PHF14: variants seen among roughly 807,000 people sequenced by gnomAD.
PHF14 encodes PHD finger protein 14.
A neutral mutation model predicts 117.9 loss-of-function variants in PHF14; 55 were observed. The observed-to-expected ratio is 0.47, with a 90% CI of 0.38 to 0.58. The LOEUF (loss-of-function observed/expected upper bound fraction) is 0.58, where lower values mean the gene tolerates loss of function less well. Among genes scored for constraint, PHF14 ranks in the 20% least tolerant of loss-of-function variants. The pLI is 0.00. For missense variants in PHF14, 978 were observed against 1,122.2 expected, an observed-to-expected ratio of 0.87 and a Z score of 1.84; for synonymous variants, 409 against 368.6, an observed-to-expected ratio of 1.11 and a Z score of -1.26.
At chr7:11,037,144 T>C in intron 10 of PHF14, 53 bp downstream of exon 10, 1 of 1,407,294 alleles carries the variant, frequency 7.1e-7, no homozygotes, top group Non-Finnish European at 9.5e-7. Flanking sequence ...ACTGATGATT[T>C]CTTTTGTGAA....
chr7:11,162,072 CTTTTTTTTTTTTTTTTTTTTTTT>C (rs564998009), intron 17 of PHF14, among the ~76,000 whole-genome samples: 1 of 70,276 alleles, frequency 1.4e-5, no homozygotes, highest in African/African-American at 4.1e-5. Context: ...AAAAATATGT[CTTTTTTTTTTTTTTTTTTTTTTT>C]TTTTTTTTTT....
chr7:11,017,349 T>C (rs1219019251), intron 5 of PHF14, among the ~76,000 whole-genome samples: 1 of 152,192 alleles, frequency 6.6e-6, no homozygotes, highest in African/African-American at 2.4e-5. Context: ...CTAATATACA[T>C]TTCATGCAAC....
chr7:11,086,241 C>T (rs1231899777), intron 16 of PHF14, among the ~76,000 whole-genome samples: 1 of 152,128 alleles, frequency 6.6e-6, no homozygotes, highest in Admixed American at 6.5e-5. Flanking sequence ...CCATTTCTTG[C>T]AAGGTAAATC....
chr7:11,092,095 G>A (rs1786659314), intron 16 of PHF14, among the ~76,000 whole-genome samples: 1 of 115,046 alleles, frequency 8.7e-6, no homozygotes, highest in South Asian at 2.7e-4. Flanking sequence ...ATACCTCTGT[G>A]TATAAATAAT....
chr7:11,013,105 T>A (rs1783408731), intron 4 of PHF14, among the ~76,000 whole-genome samples: 1 of 152,178 alleles, frequency 6.6e-6, no homozygotes, highest in African/African-American at 2.4e-5. Context: ...CAGTAAGTGT[T>A]TGCCAACCAA....
chr7:11,163,094 A>C (rs888260865), intron 17 of PHF14, among the ~76,000 whole-genome samples: 24 of 152,150 alleles, frequency 1.6e-4, no homozygotes, highest in Admixed American at 1.0e-3. Context: ...GTATTAAATA[A>C]AGGGAGATCT....
chr7:11,147,273 CACTT>C (rs531828690), intron 17 of PHF14, among the ~76,000 whole-genome samples: 134 of 152,272 alleles, frequency 8.8e-4, no homozygotes, highest in Non-Finnish European at 1.5e-3. Flanking sequence ...TAAAATATAA[CACTT>C]AAGAAGTCCA....
chr7:11,060,279 T>G (rs1351459375), intron 14 of PHF14, among the ~76,000 whole-genome samples: 2 of 152,210 alleles, frequency 1.3e-5, no homozygotes, highest in African/African-American at 2.4e-5. Flanking sequence ...AATTGAGTCT[T>G]TATGTCATAA....
intron 16 of PHF14, among the ~76,000 whole-genome samples, chr7:11,085,543 CG>C (rs1786365454): frequency 1.3e-5 from 2 of 152,206 alleles, no homozygotes; most frequent in South Asian, 4.1e-4. Flanking sequence ...TAAATTTAAT[CG>C]TTTTTTAATT....
intron 16 of PHF14, chr7:11,104,315 A>G: frequency 3.1e-6 from 3 of 980,708 alleles, no homozygotes; most frequent in East Asian, 1.1e-4. Flanking sequence ...CAAAATTCAT[A>G]AGATATAGGT....
intron 4 of PHF14, among the ~76,000 whole-genome samples, chr7:10,994,934 G>C (rs990317540): frequency 2.0e-5 from 3 of 152,172 alleles, no homozygotes; most frequent in Non-Finnish European, 1.5e-5. Context: ...TGCTGGCTGG[G>C]GCAGCTTGCT....
At position 11,111,396 on chromosome 7, in the gene PHF14, C is replaced by T. The variant is rs1437677681; in HGVS notation, c.2701C>T (p.Pro901Ser). 4.4e-6 allele frequency: 7 copies of T among 1,609,016 alleles called. No homozygotes were observed. Among genetic ancestry groups the T allele is most frequent in the Non-Finnish European group, 5.9e-6 (7 of 1,177,172 alleles). ...CTACCATTTTGGCTGTTTGGATCCTCCTTTGAAAAAGTCTCCTAAACAGAC... is the reference window on the plus strand; with the variant it reads ...CTACCATTTTGGCTGTTTGGATCCTTCTTTGAAAAAGTCTCCTAAACAGAC... ...LCYHFGCLDP[P>S]LKKSPKQTGY... Residue 901 changes from proline (P) to serine (S), a missense_variant, in exon 17 of 18, where the codon CCT becomes TCT. Around this residue, in one of 7 missense-constraint regions of PHF14, gnomAD observed 180 missense variants for 195.4 expected, o/e 0.92. Transcript: ENST00000634607.
At chr7:11,127,241 C>CT (rs1232687072) in intron 17 of PHF14, among the ~76,000 whole-genome samples, 1 of 116,850 alleles carries the variant, frequency 8.6e-6, no homozygotes, top group Non-Finnish European at 1.7e-5. Context: ...ATTCTTGCCC[C>CT]TCCTTTTTTT....
intron 17 of PHF14, among the ~76,000 whole-genome samples, chr7:11,119,197 G>A (rs182423074): frequency 3.9e-4 from 59 of 151,784 alleles, no homozygotes; most frequent in Middle Eastern, 3.4e-3. Context: ...TTTAAAAGTC[G>A]CAAACCTCAT....
At position 11,130,710 on chromosome 7, in the gene PHF14, T is replaced by C. The variant is rs982421021; in HGVS notation, c.2772+19243T>C. 1.3e-5 allele frequency among the ~76,000 whole-genome samples: 2 copies of C among 151,968 alleles called. No homozygotes were observed. Among genetic ancestry groups the C allele is most frequent in the Non-Finnish European group, 2.9e-5 (2 of 67,928 alleles). On this transcript the variant is annotated intron_variant, in intron 17 of 17. Coordinates refer to ENST00000634607, the MANE Select transcript of PHF14 (RefSeq NM_001007157.2). This position sits in a 1 kb window ranked among gnomAD's most constrained non-coding sequence, Gnocchi z 4.2. ...AGTTTGTTGTTTACATTATAACTTA[T>C]TTTTTGTGTGGTACATTCTGTGGGT... is the stretch of plus-strand genomic sequence containing the variant.
At chr7:10,987,864 G>A (rs952066440) in intron 3 of PHF14, among the ~76,000 whole-genome samples, 1 of 151,660 alleles carries the variant, frequency 6.6e-6, no homozygotes, top group Admixed American at 6.6e-5. Flanking sequence ...TGTTAAAACA[G>A]ATCTAGCTGG....
At chr7:11,132,503 G>A (rs1268899495) in intron 17 of PHF14, among the ~76,000 whole-genome samples, 3 of 151,482 alleles carry the variant, frequency 2.0e-5, no homozygotes, top group Non-Finnish European at 4.4e-5. Context: ...GTTAATGGGC[G>A]GTTAGGTTGT....
At chr7:10,987,557 T>A (rs1169333515) in intron 3 of PHF14, among the ~76,000 whole-genome samples, 1 of 152,190 alleles carries the variant, frequency 6.6e-6, no homozygotes, top group African/African-American at 2.4e-5. Flanking sequence ...GTGATTGATT[T>A]ATTCATATAC....
At chr7:11,056,955 G>A (rs1042892434) in intron 14 of PHF14, among the ~76,000 whole-genome samples, 7 of 151,750 alleles carry the variant, frequency 4.6e-5, no homozygotes, top group African/African-American at 1.5e-4. Context: ...TGACTTAATT[G>A]TCCTAATTAA....
Sources: allele counts gnomAD v4.1 joint callset (sites outside exome capture counted in the v4.1 genomes callset), GRCh38; gene constraint gnomAD v4.1.1; regional missense constraint gnomAD v4.1.1; non-coding constraint Gnocchi (gnomAD v3.1); transcripts MANE v1.5; gene names NCBI Gene and HGNC (gene_info 2026-07-23, HGNC 2026-07-21).